ADGRB3: variants seen among roughly 807,000 people sequenced by gnomAD.
ADGRB3 encodes brain-specific angiogenesis inhibitor 3.
ADGRB3 carries 37 observed loss-of-function variants against 193.4 expected under a neutral mutation model. That is an observed-to-expected ratio of 0.19 (90% confidence interval 0.15 to 0.25). The LOEUF is 0.25. ADGRB3 is among the 10% of genes least tolerant of loss of function. ADGRB3 has a pLI of 1.00. For synonymous variants in ADGRB3, 690 were observed against 644.2 expected (o/e 1.07, Z -1.08); for missense variants, 1,637 against 1,852.9 (o/e 0.88, Z 2.14).
intron 26 of ADGRB3, among the ~76,000 whole-genome samples, chr6:69,346,931 C>G (rs1011458376): frequency 5.3e-5 from 8 of 152,142 alleles, no homozygotes; most frequent in Admixed American, 1.3e-4. Flanking sequence ...CAGCACTGTT[C>G]ACAATAGCAA....
intron 3 of ADGRB3, among the ~76,000 whole-genome samples, chr6:68,848,870 G>A (rs905892209): frequency 9.9e-5 from 15 of 151,852 alleles, no homozygotes; most frequent in South Asian, 4.1e-4. Context: ...TTCCTAAGGC[G>A]GCATTAGCAT....
At chr6:69,266,846 A>T (rs1002643660) in intron 20 of ADGRB3, among the ~76,000 whole-genome samples, 5 of 152,142 alleles carry the variant, frequency 3.3e-5, no homozygotes, top group Admixed American at 6.6e-5. Flanking sequence ...AAGATTTTTA[A>T]AAAGAAAAAT....
chr6:69,150,709 A>G (rs1346122191), intron 17 of ADGRB3, among the ~76,000 whole-genome samples: 2 of 152,194 alleles, frequency 1.3e-5, no homozygotes, highest in South Asian at 4.1e-4. Flanking sequence ...ATAGCTGGAA[A>G]TATGCTAGAT....
chr6:68,738,666 T>C (rs1765919736), intron 3 of ADGRB3, among the ~76,000 whole-genome samples: 1 of 152,186 alleles, frequency 6.6e-6, no homozygotes, highest in South Asian at 2.1e-4. Flanking sequence ...GTTAAGGTTT[T>C]TGGCATGAGC....
chr6:68,739,209 A>G (rs563724231), intron 3 of ADGRB3, among the ~76,000 whole-genome samples: 8 of 152,290 alleles, frequency 5.3e-5, no homozygotes, highest in African/African-American at 1.9e-4. Context: ...GATTGGATTT[A>G]AGGGTAAATA....
chr6:69,120,831 A>G (rs1773659126), intron 17 of ADGRB3, among the ~76,000 whole-genome samples: 1 of 152,190 alleles, frequency 6.6e-6, no homozygotes, highest in Non-Finnish European at 1.5e-5. Context: ...ACTATCACAA[A>G]GCAGATTGAT....
At chr6:68,885,481 T>C (rs184277481) in intron 3 of ADGRB3, among the ~76,000 whole-genome samples, 119 of 152,348 alleles carry the variant, frequency 7.8e-4, no homozygotes, top group African/African-American at 2.4e-3. Context: ...TACTTGTTTC[T>C]TTGTGGTGAA....
chr6:69,098,408 T>C (rs1772945069), intron 17 of ADGRB3, among the ~76,000 whole-genome samples: 1 of 152,234 alleles, frequency 6.6e-6, no homozygotes, highest in Non-Finnish European at 1.5e-5. Context: ...TAATGACTAC[T>C]GTATTAGTCC....
At chr6:69,302,591 T>A (rs1252294758) in intron 20 of ADGRB3, among the ~76,000 whole-genome samples, 2 of 151,738 alleles carry the variant, frequency 1.3e-5, no homozygotes. Context: ...GATGTAAGAG[T>A]CATAAAAATA....
intron 11 of ADGRB3, among the ~76,000 whole-genome samples, chr6:69,010,332 T>C (rs1184620082): frequency 1.3e-5 from 2 of 152,022 alleles, no homozygotes; most frequent in Non-Finnish European, 2.9e-5. Flanking sequence ...TCTGTACATA[T>C]TGTTGAGAGA....
At chr6:68,753,704 G>A (rs1001196325) in intron 3 of ADGRB3, among the ~76,000 whole-genome samples, 2 of 152,134 alleles carry the variant, frequency 1.3e-5, no homozygotes, top group African/African-American at 4.8e-5. Context: ...AAGTGAGAGA[G>A]GCAAAAGTAA....
chr6:68,915,743 C>T (rs972415152), intron 3 of ADGRB3, among the ~76,000 whole-genome samples: 1 of 151,714 alleles, frequency 6.6e-6, no homozygotes. Context: ...AGCTTGCCTT[C>T]TGTCTGGAGC....
intron 3 of ADGRB3, among the ~76,000 whole-genome samples, chr6:68,876,594 G>T (rs1405988173): frequency 6.6e-6 from 1 of 152,100 alleles, no homozygotes; most frequent in Non-Finnish European, 1.5e-5. Flanking sequence ...TCCTAGAATG[G>T]CTTTTTTGAC....
At chr6:68,750,084 G>A (rs1766166521) in intron 3 of ADGRB3, among the ~76,000 whole-genome samples, 1 of 151,986 alleles carries the variant, frequency 6.6e-6, no homozygotes, top group South Asian at 2.1e-4. Flanking sequence ...TATGAAACTG[G>A]GTGTATTGCA....
At chr6:68,756,952 T>C (rs1766308969) in intron 3 of ADGRB3, among the ~76,000 whole-genome samples, 1 of 152,170 alleles carries the variant, frequency 6.6e-6, no homozygotes, top group Admixed American at 6.6e-5. Flanking sequence ...TTCTCATGTC[T>C]GTGGCACTCC....
intron 16 of ADGRB3, among the ~76,000 whole-genome samples, chr6:69,072,670 G>A (rs532212471): frequency 6.1e-4 from 93 of 152,150 alleles, no homozygotes; most frequent in South Asian, 1.9e-3. Flanking sequence ...AGATTTAATG[G>A]ATCTGTTATC....
chr6:69,283,315 A>G (rs1767476361), intron 20 of ADGRB3, among the ~76,000 whole-genome samples: 1 of 152,172 alleles, frequency 6.6e-6, no homozygotes, highest in Admixed American at 6.6e-5. Flanking sequence ...ATGATACCCC[A>G]GAGAGCAGCC....
intron 3 of ADGRB3, among the ~76,000 whole-genome samples, chr6:68,925,880 T>C (rs1399268670): frequency 6.6e-6 from 1 of 152,034 alleles, no homozygotes; most frequent in Non-Finnish European, 1.5e-5. Flanking sequence ...CACTAATTAA[T>C]AAATGTTTAT....
chr6:69,144,952 T>C (rs953117013), intron 17 of ADGRB3, among the ~76,000 whole-genome samples: 3 of 150,970 alleles, frequency 2.0e-5, no homozygotes, highest in Admixed American at 6.6e-5. Context: ...CTGGTTTTGC[T>C]ATCGGGGTAA....
Sources: gnomAD v4.1 joint callset for allele counts (sites outside exome capture counted in the v4.1 genomes callset) on GRCh38, gnomAD v4.1.1 for gene constraint, MANE v1.5 for transcripts, NCBI Gene and HGNC (gene_info 2026-07-23, HGNC 2026-07-21) for gene names.